ATRNL1: variants seen among roughly 807,000 people sequenced by gnomAD.
ATRNL1 encodes attractin like 1.
In ATRNL1, 95 loss-of-function variants were observed where a neutral mutation model predicts 182.7. The observed-to-expected ratio is 0.52, with a 90% CI of 0.44 to 0.62. ATRNL1 has a LOEUF of 0.62. Ranked by LOEUF, ATRNL1 falls within the 20% of genes least tolerant of loss-of-function variation. ATRNL1 has a pLI of 0.00. For synonymous variants in ATRNL1, 576 were observed against 568.3 expected (o/e 1.01, Z -0.19); for missense variants, 1,471 against 1,679.5 (o/e 0.88, Z 2.17).
At chr10:115,323,446 T>G (rs1554932166) in intron 18 of ATRNL1, among the ~76,000 whole-genome samples, 1 of 52,782 alleles carries the variant, frequency 1.9e-5, no homozygotes, top group African/African-American at 7.5e-5. Flanking sequence ...TCCCCTTCCC[T>G]TCCCATTTAT....
At position 115,670,716 on chromosome 10, in the gene ATRNL1, T is replaced by G. The variant is rs140365105; in HGVS notation, c.3796-56532T>G. Among the ~76,000 whole-genome samples, 21 of 152,226 alleles carry G rather than the reference T, an allele frequency of 1.4e-4. No homozygotes were observed. The South Asian group carries it at 3.1e-3, about 23-fold the overall frequency. On this transcript the variant is annotated intron_variant, in intron 26 of 28. Coordinates refer to ENST00000355044, the MANE Select transcript of ATRNL1 (RefSeq NM_207303.4). ...TTAGAGACTAAGACCTTGTTTTGACTATAAAATATATTTCTTTAAGAGGGA... is the reference window on the plus strand; with the variant it reads ...TTAGAGACTAAGACCTTGTTTTGACGATAAAATATATTTCTTTAAGAGGGA...
rs549359035 is a variant in ATRNL1 at position 115,881,859 on chromosome 10, C to T, written c.4018+33868C>T. Among the ~76,000 whole-genome samples, 147 of 152,286 alleles carry T rather than the reference C, an allele frequency of 9.7e-4. 1 individual carries two copies. The highest frequency in any genetic ancestry group is 2.6e-3 in the Admixed American group (40 of 15,298). On this transcript the variant is annotated intron_variant, in intron 28 of 28. Coordinates refer to ENST00000355044, the MANE Select transcript of ATRNL1 (RefSeq NM_207303.4). ...CTGTGCTCATCAATCTGCTCCAGGACCTACCATTAAATAGCTTTGCCAACC... is the reference window on the plus strand; with the variant it reads ...CTGTGCTCATCAATCTGCTCCAGGATCTACCATTAAATAGCTTTGCCAACC...
chr10:115,850,599 A>G (rs1402669206), intron 28 of ATRNL1, among the ~76,000 whole-genome samples: 1 of 152,160 alleles, frequency 6.6e-6, no homozygotes, highest in African/African-American at 2.4e-5. Flanking sequence ...CTGTGTCTTC[A>G]CAGAAAGTCC....
intron 18 of ATRNL1, among the ~76,000 whole-genome samples, chr10:115,317,761 G>C (rs1384516252): frequency 6.6e-6 from 1 of 152,182 alleles, no homozygotes; most frequent in East Asian, 1.9e-4. Flanking sequence ...CTGAGACTTT[G>C]CTGAAGTTGA....
At chr10:115,498,099 C>T (rs1554978927) in intron 24 of ATRNL1, among the ~76,000 whole-genome samples, 2 of 152,152 alleles carry the variant, frequency 1.3e-5, no homozygotes, top group Non-Finnish European at 1.5e-5. Flanking sequence ...TCAGCAACAT[C>T]TTATTTCCCA....
In ATRNL1 at chr10:115,721,124, C is replaced by A. The variant is rs548310938; in HGVS notation, c.3796-6124C>A. Among the ~76,000 whole-genome samples, 5 of 152,250 alleles carry A rather than the reference C, an allele frequency of 3.3e-5. No homozygotes were observed. In the East Asian group the frequency reaches 7.8e-4, roughly 24 times the overall value. On this transcript the variant is annotated intron_variant, in intron 26 of 28. Coordinates refer to ENST00000355044, the MANE Select transcript of ATRNL1 (RefSeq NM_207303.4). ...GTCTGTGATCTGCAGTTTGAGGAATCTCTGGCCTAGAGGTTCTGTGAGGTT... is the reference window on the plus strand; with the variant it reads ...GTCTGTGATCTGCAGTTTGAGGAATATCTGGCCTAGAGGTTCTGTGAGGTT...
At chr10:115,561,954 T>C (rs1299941978) in intron 26 of ATRNL1, among the ~76,000 whole-genome samples, 1 of 152,128 alleles carries the variant, frequency 6.6e-6, no homozygotes, top group Non-Finnish European at 1.5e-5. Flanking sequence ...CACTTTGTAG[T>C]GTAATACACT....
intron 27 of ATRNL1, among the ~76,000 whole-genome samples, chr10:115,824,988 C>T (rs1224599690): frequency 6.6e-6 from 1 of 152,134 alleles, no homozygotes; most frequent in Non-Finnish European, 1.5e-5. Flanking sequence ...TTGGAACCAA[C>T]ACAAATGCCC....
rs1554896050 is a variant in ATRNL1, at chr10:115,215,746, T to C, written c.1398T>C (p.Gly466=). The change falls in exon 9 of 29, where the codon GGT becomes GGC. Residue 466 remains glycine, a synonymous_variant. Transcript: ENST00000355044. ...VPETKGAIVQ[G]GYGHTSVYDE... is the part of the protein sequence containing the mutation. ...AAACTAAAGGAGCTATTGTACAAGG[T>C]GGATATGGCCATACTAGTGTGTATG... The C allele has an allele frequency of 3.1e-6, 5 of 1,608,204 alleles. No individual in the cohort carries two copies. Among genetic ancestry groups the C allele is most frequent in the Non-Finnish European group, 4.2e-6 (5 of 1,177,914 alleles).
intron 25 of ATRNL1, among the ~76,000 whole-genome samples, chr10:115,522,406 G>A (rs1266188042): frequency 6.6e-6 from 1 of 152,036 alleles, no homozygotes; most frequent in Non-Finnish European, 1.5e-5. Context: ...GCTCTCTTGG[G>A]AACTAATAGA....
At chr10:115,373,435 A>G (rs1400646420) in intron 19 of ATRNL1, among the ~76,000 whole-genome samples, 5 of 151,884 alleles carry the variant, frequency 3.3e-5, no homozygotes, top group African/African-American at 1.2e-4. Flanking sequence ...ACCTTGTCTT[A>G]TTTATTGTTC....
At chr10:115,694,794 A>T (rs1555049225) in intron 26 of ATRNL1, among the ~76,000 whole-genome samples, 3 of 152,072 alleles carry the variant, frequency 2.0e-5, no homozygotes, top group Non-Finnish European at 4.4e-5. Flanking sequence ...AGTCTAAATA[A>T]AAGATTCACT....
chr10:115,803,633 T>G (rs1949850545), intron 27 of ATRNL1, among the ~76,000 whole-genome samples: 1 of 152,042 alleles, frequency 6.6e-6, no homozygotes, highest in African/African-American at 2.4e-5. Flanking sequence ...AATGGGCTTT[T>G]TATATATCTT....
chr10:115,544,514 C>T (rs1421750630), intron 25 of ATRNL1, among the ~76,000 whole-genome samples: 2 of 152,014 alleles, frequency 1.3e-5, no homozygotes, highest in African/African-American at 2.4e-5. Flanking sequence ...TGTCACATGG[C>T]GAAAGCAGGA....
chr10:115,755,258 G>A (rs1448998812), intron 27 of ATRNL1, among the ~76,000 whole-genome samples: 2 of 152,108 alleles, frequency 1.3e-5, no homozygotes, highest in Admixed American at 1.3e-4. Context: ...GGTTTTCAAA[G>A]GTAATGCCTC....
At chr10:115,359,406 C>T (rs1159487906) in intron 19 of ATRNL1, among the ~76,000 whole-genome samples, 5 of 151,432 alleles carry the variant, frequency 3.3e-5, no homozygotes, top group South Asian at 2.1e-4. Flanking sequence ...TCCTAGCAAA[C>T]GAGTTTTCTA....
intron 28 of ATRNL1, among the ~76,000 whole-genome samples, chr10:115,857,856 C>T (rs1951223127): frequency 6.6e-6 from 1 of 152,194 alleles, no homozygotes; most frequent in South Asian, 2.1e-4. Context: ...AGACCACTAG[C>T]ACTGAAACGT....
At chr10:115,342,680 G>A (rs1564933374) in intron 19 of ATRNL1, among the ~76,000 whole-genome samples, 1 of 151,932 alleles carries the variant, frequency 6.6e-6, no homozygotes. Flanking sequence ...ACTGTTACTG[G>A]TGAGTTTTGT....
intron 8 of ATRNL1, among the ~76,000 whole-genome samples, chr10:115,207,983 A>G (rs1554894179): frequency 6.6e-6 from 1 of 152,004 alleles, no homozygotes; most frequent in African/African-American, 2.4e-5. Flanking sequence ...ATCACTCTGG[A>G]TTAGGCTGCT....
Sources: allele counts gnomAD v4.1 joint callset (sites outside exome capture counted in the v4.1 genomes callset), GRCh38; gene constraint gnomAD v4.1.1; transcripts MANE v1.5; gene names NCBI Gene and HGNC (gene_info 2026-07-23, HGNC 2026-07-21).